The following WDR91 variants were observed in gnomAD, a reference collection of about 807,000 sequenced individuals.
WDR91 encodes the protein WD repeat domain 91.
In WDR91, 52 loss-of-function variants were observed where a neutral mutation model predicts 88.4. The ratio of observed to expected loss-of-function variants is 0.59; its 90% CI spans 0.47 to 0.74. The LOEUF (loss-of-function observed/expected upper bound fraction) is 0.74. Among genes scored for constraint, WDR91 ranks in the 30% least tolerant of loss-of-function variants. WDR91 has a pLI of 0.00. For missense variants in WDR91, 824 were observed against 954.5 expected (o/e 0.86, Z 1.80); for synonymous variants, 362 against 389.5 (o/e 0.93, Z 0.83).
chr7:135,201,450 T>C (rs1037843547), intron 6 of WDR91: 1 of 152,084 alleles, frequency 6.6e-6, no homozygotes, highest in African/African-American at 2.4e-5. Flanking sequence ...CTATTTTGCA[T>C]CTGTTTTGCC....
Position 135,196,471 on chromosome 7 carries a change from C to A in WDR91, c.1051-134G>T. The A allele has an allele frequency of 1.2e-6, 1 of 851,324 alleles. No homozygotes were observed. Among genetic ancestry groups the A allele is most frequent in the Non-Finnish European group, 1.7e-6 (1 of 594,290 alleles). The allele number at this position is 851,324 out of a possible 1,614,324, so 52.7% of individuals were successfully genotyped here. On this transcript the variant is annotated intron_variant, in intron 7 of 14. Coordinates refer to ENST00000354475, the MANE Select transcript of WDR91 (RefSeq NM_014149.4). The surrounding 1 kb of genome is among the most constrained non-coding windows in gnomAD (Gnocchi z 4.2). Reference sequence around the variant, plus strand: ...TAATTACAGAGTGGAGAGGAGAGCTCTGACCTGCGAGGGTAGTGCTCAGCT... The same window carrying A: ...TAATTACAGAGTGGAGAGGAGAGCTATGACCTGCGAGGGTAGTGCTCAGCT...
chr7:135,184,630 G>T lies in WDR91; in HGVS notation c.*1521C>A, dbSNP rs561376481. The T allele has an allele frequency of 6.6e-6, 1 of 152,482 alleles. No individual in the cohort carries two copies. Among genetic ancestry groups the T allele is most frequent in the East Asian group, 1.9e-4 (1 of 5,184 alleles). The allele number at this position is 152,482 out of a possible 1,614,324, so 9.4% of individuals were successfully genotyped here. On this transcript the variant is annotated 3_prime_UTR_variant, in exon 15 of 15. Coordinates refer to ENST00000354475, the MANE Select transcript of WDR91 (RefSeq NM_014149.4). ...GAGGAGAGGGCAGGCCTCAGGCAGG[G>T]TGTGGACACAGCTGGTTGACACTCA... is the stretch of plus-strand genomic sequence containing the variant.
intron 11 of WDR91, among the ~76,000 whole-genome samples, chr7:135,191,348 C>A (rs1426245820): frequency 6.6e-6 from 1 of 152,124 alleles, no homozygotes; most frequent in Non-Finnish European, 1.5e-5. Context: ...TGGCTCATGC[C>A]TGTAATCCTA....
chr7:135,196,326 CT>C lies in WDR91; in HGVS notation c.1061del (p.Lys354ArgfsTer24). 6.4e-7 allele frequency: 1 copy of C among 1,560,718 alleles called. No individual in the cohort carries two copies. Among genetic ancestry groups the C allele is most frequent in the Non-Finnish European group, 8.7e-7 (1 of 1,153,516 alleles). ...CCTCTGGGCCACTGGCTTCTGGTTT[CT>C]TCTCTGCACACTGTCACAAGCAGGG... is the stretch of plus-strand genomic sequence containing the variant. ...FSTTTSQCAE[K>X]KPEASGPEAE... On this transcript the variant is annotated frameshift_variant, in exon 8 of 15. Transcript: ENST00000354475. LOFTEE classifies it high-confidence loss of function. The surrounding 1 kb of genome is among the most constrained non-coding windows in gnomAD (Gnocchi z 4.2).
At chr7:135,197,398 G>C (rs1831413873) in intron 7 of WDR91, 1 of 152,336 alleles carries the variant, frequency 6.6e-6, no homozygotes, top group Non-Finnish European at 1.5e-5. Flanking sequence ...CCATCAGTCG[G>C]GAGTATCTGG....
chr7:135,198,344 C>A lies in WDR91; in HGVS notation c.892-193G>T, dbSNP rs1010809092. On this transcript the variant is annotated intron_variant, in intron 6 of 14. Transcript: ENST00000354475. The stretch of plus-strand genomic sequence containing the variant: ...GACCTCCTCCTTTCTGTCCTCTACC[C>A]GTTAAGAGGACAGGTCACCTGCAAT... 5 of 577,300 alleles carry A rather than the reference C, an allele frequency of 8.7e-6. No individual in the cohort carries two copies. In the East Asian group the frequency reaches 1.4e-4, roughly 17 times the overall value. The allele number at this position is 577,300 out of a possible 1,614,324, so 35.8% of individuals were successfully genotyped here.
At chr7:135,198,472 G>A (rs1240236967) in intron 6 of WDR91, 1 of 278,280 alleles carries the variant, frequency 3.6e-6, no homozygotes, top group Admixed American at 4.8e-5. Flanking sequence ...ACTAAGTGAT[G>A]ACTAAGGCAG....
intron 10 of WDR91, 21 bp downstream of exon 10, chr7:135,193,556 TG>T (rs1831252100): frequency 1.9e-6 from 3 of 1,613,560 alleles, no homozygotes; most frequent in Admixed American, 1.7e-5. Flanking sequence ...GCCTTGATGG[TG>T]GGGGGTAGGT....
At chr7:135,207,085 G>T (rs376446320) in intron 4 of WDR91, 35 bp downstream of exon 4, 11 of 1,569,478 alleles carry the variant, frequency 7.0e-6, no homozygotes, top group Non-Finnish European at 7.8e-6. Context: ...AAAAGCAGAA[G>T]TACTTCCTCA....
chr7:135,209,411 A>C (rs1260285010), intron 2 of WDR91, 165 bp downstream of exon 2: 1 of 621,140 alleles, frequency 1.6e-6, no homozygotes, highest in Non-Finnish European at 2.5e-6. Flanking sequence ...AGATGACGAC[A>C]AGGAAAAAAA....
Position 135,184,424 on chromosome 7 carries a change from A to T in WDR91, c.*1727T>A, listed in dbSNP as rs1398085107. 6.6e-6 allele frequency: 1 copy of T among 152,248 alleles called. No individual in the cohort carries two copies. Among genetic ancestry groups the T allele is most frequent in the Non-Finnish European group, 1.5e-5 (1 of 68,082 alleles). 9.4% of individuals were successfully genotyped at this position (152,248 alleles called of 1,614,324 possible). A position where few individuals can be genotyped will look rare whatever the true frequency, so the allele number is the denominator to read the frequency against. ...TCATGGCAGCTGCCTTCCCCAGCTC[A>T]GTGATAAGGTCGCCCCTGCCAAACA... On this transcript the variant is annotated 3_prime_UTR_variant, in exon 15 of 15. Transcript: ENST00000354475.
In WDR91 at chr7:135,183,986, G is replaced by C. The variant is rs2117608929; in HGVS notation, c.*2165C>G. On this transcript the variant is annotated 3_prime_UTR_variant, in exon 15 of 15. Coordinates refer to ENST00000354475, the MANE Select transcript of WDR91 (RefSeq NM_014149.4). Reference sequence around the variant, plus strand: ...AGCTGTAGAGATGGTATTAAGGGGAGAGAAAACTTTGAGATGACAAGAGGA... The same window carrying C: ...AGCTGTAGAGATGGTATTAAGGGGACAGAAAACTTTGAGATGACAAGAGGA... The C allele has an allele frequency of 6.6e-6, 1 of 152,256 alleles. No individual in the cohort carries two copies. The highest frequency in any genetic ancestry group is 2.4e-5 in the African/African-American group (1 of 41,550). The allele number at this position is 152,256 out of a possible 1,614,324, so 9.4% of individuals were successfully genotyped here. A position where few individuals can be genotyped will look rare whatever the true frequency, so the allele number is the denominator to read the frequency against.
At chr7:135,189,199 C>T (rs757343978) in intron 12 of WDR91, 145 bp downstream of exon 12, 2 of 637,824 alleles carry the variant, frequency 3.1e-6, no homozygotes, top group Non-Finnish European at 5.4e-6. Flanking sequence ...AAAACGTTGA[C>T]CAAAGTTAAG....
chr7:135,193,357 G>A lies in WDR91; in HGVS notation c.1533C>T (p.Val511=). The change falls in exon 11 of 15, where the codon GTC becomes GTT. Residue 511 remains valine (V), a synonymous_variant. Transcript: ENST00000354475. ...LACSPNGASF[V]CSAAAPSLTS... is the part of the protein sequence containing the mutation. ...TGAGGCTCGGAGCTGCTGCCGAACA[G>A]ACGAAAGAGGCCCCGTTGGGGCTGC... 1 of 1,614,232 alleles carries A rather than the reference G, an allele frequency of 6.2e-7. No individual in the cohort carries two copies. Among genetic ancestry groups the A allele is most frequent in the Non-Finnish European group, 8.5e-7 (1 of 1,180,044 alleles).
chr7:135,207,892 G>T (rs570753163), intron 3 of WDR91, among the ~76,000 whole-genome samples: 28 of 152,176 alleles, frequency 1.8e-4, no homozygotes, highest in African/African-American at 5.5e-4. Flanking sequence ...TGACAGTTTC[G>T]ATTTCACTGG....
chr7:135,192,386 G>A (rs757508111), intron 11 of WDR91, among the ~76,000 whole-genome samples: 27 of 152,180 alleles, frequency 1.8e-4, no homozygotes, highest in Non-Finnish European at 3.5e-4. Context: ...CCAAAGTGCT[G>A]GGATTACAGG....
chr7:135,209,027 G>A (rs899594050), intron 2 of WDR91, 29 bp from the exon 3 acceptor site: 1 of 1,599,518 alleles, frequency 6.3e-7, no homozygotes, highest in Non-Finnish European at 8.6e-7. Flanking sequence ...GTAGCAAGGA[G>A]GGAGGAGAGA....
Position 135,193,319 on chromosome 7 carries a change from T to C in WDR91, c.1571A>G (p.Asp524Gly). ...GCTGCCGATGTCTGGTGCTGAGAAG[T>C]CCACCTGGGAAGTGAGGCTCGGAGC... The part of the protein sequence containing the change: ...AAAPSLTSQV[D>G]FSAPDIGSKG... Residue 524 changes from aspartate (D) to glycine (G), a missense_variant, in exon 11 of 15, where the codon GAC becomes GGC. Coordinates refer to ENST00000354475, the MANE Select transcript of WDR91 (RefSeq NM_014149.4). 11 of 1,614,176 alleles carry C rather than the reference T, an allele frequency of 6.8e-6. No homozygotes were observed. Among genetic ancestry groups the C allele is most frequent in the Non-Finnish European group, 9.3e-6 (11 of 1,180,030 alleles).
intron 3 of WDR91, among the ~76,000 whole-genome samples, chr7:135,208,426 A>G (rs543530528): frequency 6.6e-6 from 1 of 152,324 alleles, no homozygotes; most frequent in Admixed American, 6.5e-5. Context: ...GCAAAGGTAT[A>G]TCCCCGGGAA....
Sources: allele counts gnomAD v4.1 joint callset (sites outside exome capture counted in the v4.1 genomes callset), GRCh38; gene constraint gnomAD v4.1.1; non-coding constraint Gnocchi (gnomAD v3.1); transcripts MANE v1.5; gene names NCBI Gene and HGNC (gene_info 2026-07-23, HGNC 2026-07-21).